Variants in GPR141 observed in about 807,000 individuals in gnomAD.
The protein encoded by GPR141 is G protein-coupled receptor 141, also known as probable G protein-coupled receptor 141.
In GPR141, 6 loss-of-function variants were observed where a neutral mutation model predicts 6.8. The observed-to-expected ratio is 0.88, with a 90% CI of 0.48 to 1.74. The LOEUF (loss-of-function observed/expected upper bound fraction) is 1.74. Ranked by LOEUF, GPR141 falls within the 40% of genes most tolerant of loss-of-function variation. The pLI, the probability that GPR141 is intolerant of heterozygous loss-of-function variation, is 0.01. For synonymous variants in GPR141, 140 were observed against 142.3 expected, an observed-to-expected ratio of 0.98 and a Z score of 0.11; for missense variants, 372 against 372.9, an observed-to-expected ratio of 1.00 and a Z score of 0.02.
intron 2 of GPR141, among the ~76,000 whole-genome samples, chr7:37,688,986 C>A (rs2131725868): frequency 6.6e-6 from 1 of 152,190 alleles, no homozygotes; most frequent in East Asian, 1.9e-4. Flanking sequence ...GTTGTGCAAC[C>A]AGGACTACAA....
rs1486013302 is a variant in GPR141 at position 37,742,803 on chromosome 7, CAT to C, written c.*1493_*1494del. The stretch of plus-strand genomic sequence containing the variant: ...ATCTGTACAACAAACTCCCATGACA[CAT>C]GTTTACCTATGTAACAAACCTGCAC... On this transcript the variant is annotated 3_prime_UTR_variant, in exon 3 of 3. Transcript: ENST00000334425. Among the ~76,000 whole-genome samples the C allele has an allele frequency of 1.3e-5, 2 of 152,140 alleles. No individual in the cohort carries two copies. Among genetic ancestry groups the C allele is most frequent in the Admixed American group, 6.5e-5 (1 of 15,278 alleles).
At chr7:37,704,825 T>C (rs1810449678) in intron 2 of GPR141, among the ~76,000 whole-genome samples, 1 of 152,218 alleles carries the variant, frequency 6.6e-6, no homozygotes, top group African/African-American at 2.4e-5. Context: ...TTATGTATTA[T>C]GAAATTATTC....
chr7:37,708,310 CAAAA>C (rs66783277), intron 2 of GPR141, among the ~76,000 whole-genome samples: 303 of 59,786 alleles, frequency 5.1e-3, no homozygotes, highest in African/African-American at 0.021. Flanking sequence ...AAATTGCTGG[CAAAA>C]AAAAAAAAAA....
At chr7:37,713,022 A>C (rs1215543988) in intron 2 of GPR141, among the ~76,000 whole-genome samples, 1 of 152,228 alleles carries the variant, frequency 6.6e-6, no homozygotes, top group Non-Finnish European at 1.5e-5. Context: ...GAATGTACAG[A>C]AACACCATCT....
intron 2 of GPR141, among the ~76,000 whole-genome samples, 161 bp from the exon 3 acceptor site, chr7:37,740,219 G>T (rs897318348): frequency 3.3e-5 from 5 of 151,968 alleles, no homozygotes; most frequent in African/African-American, 1.2e-4. Context: ...TTAGGTCTAG[G>T]GTATGCAAAC....
chr7:37,737,097 A>C (rs1044195402), intron 2 of GPR141, among the ~76,000 whole-genome samples: 1 of 152,180 alleles, frequency 6.6e-6, no homozygotes, highest in Admixed American at 6.5e-5. Context: ...AATAATCATA[A>C]AGATTGCAAG....
intron 2 of GPR141, among the ~76,000 whole-genome samples, chr7:37,732,533 G>A (rs1311362587): frequency 1.3e-5 from 2 of 152,088 alleles, no homozygotes; most frequent in East Asian, 1.9e-4. Flanking sequence ...CATAAAAAAG[G>A]AATTTGGAAG....
At chr7:37,710,355 C>G (rs1341014885) in intron 2 of GPR141, among the ~76,000 whole-genome samples, 1 of 152,076 alleles carries the variant, frequency 6.6e-6, no homozygotes, top group Non-Finnish European at 1.5e-5. Flanking sequence ...GCAAGGCTGC[C>G]CTGAGTGATT....
At chr7:37,732,206 T>C in intron 2 of GPR141, among the ~76,000 whole-genome samples, 1 of 144,912 alleles carries the variant, frequency 6.9e-6, no homozygotes. Flanking sequence ...TGCAGTGGCG[T>C]GATCTCGGCT....
In GPR141 at chr7:37,732,034, T is replaced by A. The variant is rs995023924; in HGVS notation, c.-14-8346T>A. 3.6e-4 allele frequency among the ~76,000 whole-genome samples: 22 copies of A among 61,882 alleles called. No homozygotes were observed. The South Asian group carries it at 5.5e-3, about 16-fold the overall frequency. The allele number at this position is 61,882 out of a possible 152,430, so 40.6% of individuals were successfully genotyped here. Reference sequence around the variant, plus strand: ...GAGAGGTTTCTTTGTTTGTTTTTTTTATTTTTATTTATTTATTTATTTTAT... The same window carrying A: ...GAGAGGTTTCTTTGTTTGTTTTTTTAATTTTTATTTATTTATTTATTTTAT... On this transcript the variant is annotated intron_variant, in intron 2 of 2. Transcript: ENST00000334425.
At chr7:37,715,365 G>A (rs1368681693) in intron 2 of GPR141, among the ~76,000 whole-genome samples, 3 of 152,092 alleles carry the variant, frequency 2.0e-5, no homozygotes, top group Non-Finnish European at 4.4e-5. Flanking sequence ...CCTGGCCTTG[G>A]GCAATCCTCC....
At chr7:37,691,850 C>T (rs1050541172) in intron 2 of GPR141, among the ~76,000 whole-genome samples, 2 of 152,114 alleles carry the variant, frequency 1.3e-5, no homozygotes, top group Non-Finnish European at 2.9e-5. Context: ...CCCATTCTCT[C>T]CTGGCCTGTT....
In GPR141 at chr7:37,724,457, T is replaced by C. The variant is rs551081527; in HGVS notation, c.-14-15923T>C. Among the ~76,000 whole-genome samples, 4 of 152,276 alleles carry C rather than the reference T, an allele frequency of 2.6e-5. No individual in the cohort carries two copies. The South Asian group carries it at 8.3e-4, about 32-fold the overall frequency. ...TACTTAGGCATATAACCTTCTGCAG[T>C]GAATTTCTTTAGAGTTGATATTTCT... On this transcript the variant is annotated intron_variant, in intron 2 of 2. Transcript: ENST00000334425.
intron 2 of GPR141, among the ~76,000 whole-genome samples, 169 bp downstream of exon 2, chr7:37,685,752 CTTTTTTTTTTTT>C (rs35789715): frequency 4.4e-5 from 5 of 113,144 alleles, no homozygotes; most frequent in African/African-American, 1.0e-4. Context: ...CCTGGCAGCA[CTTTTTTTTTTTT>C]TTTTTTTTTT....
intron 2 of GPR141, among the ~76,000 whole-genome samples, chr7:37,737,120 G>T (rs903883913): frequency 2.0e-5 from 3 of 152,092 alleles, no homozygotes; most frequent in Non-Finnish European, 4.4e-5. Context: ...AAAGGGAAAA[G>T]ATATAAAGTA....
intron 2 of GPR141, among the ~76,000 whole-genome samples, chr7:37,737,389 T>C (rs370822721): frequency 1.5e-4 from 23 of 152,282 alleles, no homozygotes; most frequent in African/African-American, 5.3e-4. Flanking sequence ...ATATATCATG[T>C]TAGTATTTGA....
intron 2 of GPR141, among the ~76,000 whole-genome samples, chr7:37,718,449 G>A (rs975438776): frequency 1.1e-4 from 16 of 151,734 alleles, no homozygotes; most frequent in Admixed American, 7.2e-4. Context: ...CCAGGAGTTC[G>A]AGGCTACAGT....
intron 2 of GPR141, among the ~76,000 whole-genome samples, chr7:37,731,826 GA>G (rs1373186964): frequency 6.6e-6 from 1 of 152,018 alleles, no homozygotes; most frequent in African/African-American, 2.4e-5. Context: ...TACTAAATGT[GA>G]ATCTTGAAAT....
intron 2 of GPR141, among the ~76,000 whole-genome samples, chr7:37,729,254 T>G (rs949574351): frequency 6.6e-6 from 1 of 152,188 alleles, no homozygotes; most frequent in East Asian, 1.9e-4. Flanking sequence ...AAATCAGAGT[T>G]TGAGGCCAGG....
Sources: gnomAD v4.1 joint callset for allele counts (sites outside exome capture counted in the v4.1 genomes callset) on GRCh38, gnomAD v4.1.1 for gene constraint, MANE v1.5 for transcripts, NCBI Gene and HGNC (gene_info 2026-07-23, HGNC 2026-07-21) for gene names.